WDR3: variants seen among roughly 807,000 people sequenced by gnomAD.
The protein encoded by WDR3 is WD repeat-containing protein 3.
In WDR3, 81 loss-of-function variants were observed where a neutral mutation model predicts 123.7. The ratio of observed to expected loss-of-function variants is 0.65; its 90% CI spans 0.55 to 0.79. WDR3 has a LOEUF of 0.79. Among genes scored for constraint, WDR3 ranks in the 30% least tolerant of loss-of-function variants. The probability of loss-of-function intolerance (pLI) is 0.00; values close to 1 mark genes in which losing one functional copy is unlikely to be tolerated. For missense variants in WDR3, 1,027 were observed against 1,123.2 expected, an observed-to-expected ratio of 0.91 and a Z score of 1.22; for synonymous variants, 390 against 388.8, an observed-to-expected ratio of 1.00 and a Z score of -0.04.
Position 117,936,862 on chromosome 1 carries a change from C to A in WDR3, c.475C>A (p.Arg159=), listed in dbSNP as rs370011105. 6.2e-7 allele frequency: 1 copy of A among 1,612,870 alleles called. No individual in the cohort carries two copies. Among genetic ancestry groups the A allele is most frequent in the Admixed American group, 1.7e-5 (1 of 59,898 alleles). The change falls in exon 4 of 27, where the codon CGA becomes AGA. Residue 159 remains arginine (R), a synonymous_variant. Coordinates refer to ENST00000349139, the MANE Select transcript of WDR3 (RefSeq NM_006784.3). ...KDAITQALFL[R]EKNLLVTSGK... is the part of the protein sequence containing the mutation. ...TGCCATCACACAAGCATTGTTTCTA[C>A]GAGAAAAGAACCTGCTAGTTACTAG...
intron 4 of WDR3, among the ~76,000 whole-genome samples, chr1:117,938,199 T>C (rs570378421): frequency 3.9e-5 from 6 of 152,278 alleles, no homozygotes; most frequent in South Asian, 2.1e-4. Context: ...ATGGAAATGA[T>C]AGGAGGAAGG....
chr1:117,931,173 C>G (rs915446831), intron 1 of WDR3, among the ~76,000 whole-genome samples: 13 of 152,174 alleles, frequency 8.5e-5, no homozygotes, highest in African/African-American at 3.1e-4. Context: ...GACTCCTAGG[C>G]CTTGGCCTCC....
At chr1:117,944,445 CTGTA>C (rs910899847) in intron 11 of WDR3, among the ~76,000 whole-genome samples, 30 of 152,168 alleles carry the variant, frequency 2.0e-4, no homozygotes, top group Admixed American at 5.9e-4. Flanking sequence ...GTAGCTTTCT[CTGTA>C]TGATGACACA....
chr1:117,950,284 G>A (rs1651564523), intron 15 of WDR3, among the ~76,000 whole-genome samples, 154 bp downstream of exon 15: 1 of 152,146 alleles, frequency 6.6e-6, no homozygotes, highest in Admixed American at 6.6e-5. Context: ...CTATGCTAGG[G>A]AAGCTAGCAT....
chr1:117,946,020 C>T, intron 11 of WDR3, 66 bp from the exon 12 acceptor site: 1 of 1,283,862 alleles, frequency 7.8e-7, no homozygotes, highest in Non-Finnish European at 1.1e-6. Context: ...GAAACCTACA[C>T]ACTGACCTCT....
intron 9 of WDR3, 52 bp downstream of exon 9, chr1:117,941,899 A>G (rs1156264455): frequency 1.3e-6 from 2 of 1,509,588 alleles, no homozygotes; most frequent in Admixed American, 2.8e-5. Context: ...GGTAGGCCCC[A>G]TGTTACTGAA....
intron 8 of WDR3, 34 bp downstream of exon 8, chr1:117,941,259 C>G: frequency 6.3e-7 from 1 of 1,587,590 alleles, no homozygotes; most frequent in Non-Finnish European, 8.6e-7. Context: ...ATAACAAGGA[C>G]TAGGCTGTTC....
At chr1:117,946,565 A>G (rs1177556662) in intron 12 of WDR3, among the ~76,000 whole-genome samples, 1 of 152,216 alleles carries the variant, frequency 6.6e-6, no homozygotes, top group Non-Finnish European at 1.5e-5. Flanking sequence ...TCAAGTCCTT[A>G]TTCCTAGGTG....
intron 25 of WDR3, among the ~76,000 whole-genome samples, chr1:117,957,949 T>C (rs1023214604): frequency 6.6e-6 from 1 of 152,202 alleles, no homozygotes; most frequent in Non-Finnish European, 1.5e-5. Context: ...AAAGCAAATA[T>C]GTTCATTAGG....
Position 117,952,845 on chromosome 1 carries a change from G to T in WDR3, c.2152-101G>T, listed in dbSNP as rs892116547. 31 of 1,457,052 alleles carry T rather than the reference G, an allele frequency of 2.1e-5. No individual in the cohort carries two copies. The East Asian group carries it at 7.2e-4, about 34-fold the overall frequency. 90.3% of individuals were successfully genotyped at this position (1,457,052 alleles called of 1,614,324 possible). A position where few individuals can be genotyped will look rare whatever the true frequency, so the allele number is the denominator to read the frequency against. ...AGGCAGAGATAAAGATGCCATTAGG[G>T]TATTATGTTGTCAAAGGAGCAGCTT... On this transcript the variant is annotated intron_variant, in intron 19 of 26. Transcript: ENST00000349139.
In WDR3 at chr1:117,941,060, T is replaced by C; in HGVS notation, c.790-64T>C. On this transcript the variant is annotated intron_variant, in intron 7 of 26. Coordinates refer to ENST00000349139, the MANE Select transcript of WDR3 (RefSeq NM_006784.3). ...TTGTCACTTGCACTTATTAGAATTA[T>C]GTTTTTTTCAGAAGTTCAGCAGAAC... is the stretch of plus-strand genomic sequence containing the variant. The C allele has an allele frequency of 4.4e-6, 7 of 1,596,132 alleles. No individual in the cohort carries two copies. The South Asian group carries it at 4.5e-5, about 10-fold the overall frequency.
In WDR3 at chr1:117,948,308, CA is replaced by C. The variant is rs931696161; in HGVS notation, c.1423-96del. On this transcript the variant is annotated intron_variant, in intron 12 of 26. Transcript: ENST00000349139. ...TCCTAAGCAATGGATCACATTTTTG[CA>C]GCTTGGTTATGAAGTCTTTTCTAAA... 8 of 965,032 alleles carry C rather than the reference CA, an allele frequency of 8.3e-6. No homozygotes were observed. The East Asian group carries it at 2.1e-4, about 25-fold the overall frequency. 59.8% of individuals were successfully genotyped at this position (965,032 alleles called of 1,614,324 possible).
rs893637960 is a variant in WDR3, at chr1:117,944,583, C to G, written c.1328+957C>G. On this transcript the variant is annotated intron_variant, in intron 11 of 26. Coordinates refer to ENST00000349139, the MANE Select transcript of WDR3 (RefSeq NM_006784.3). ...TTTTATGTGTCCCAAACCAAACTTA[C>G]GTTGTTCATGTCTCCAAAAATCTTC... is the stretch of plus-strand genomic sequence containing the variant. Among the ~76,000 whole-genome samples, 9 of 152,324 alleles carry G rather than the reference C, an allele frequency of 5.9e-5. No homozygotes were observed. The South Asian group carries it at 1.9e-3, about 32-fold the overall frequency.
At position 117,941,186 on chromosome 1, in the gene WDR3, C is replaced by T. The variant is rs760066631; in HGVS notation, c.852C>T (p.Asn284=). 1 of 1,614,120 alleles carries T rather than the reference C, an allele frequency of 6.2e-7. No homozygotes were observed. The highest frequency in any genetic ancestry group is 8.5e-7 in the Non-Finnish European group (1 of 1,180,010). Residue 284 remains asparagine (N), a synonymous_variant, in exon 8 of 27, where the codon AAC becomes AAT. Transcript: ENST00000349139. The stretch of plus-strand genomic sequence containing the variant: ...GGGAAGGAAGAGACAGAGTTGTAAA[C>T]CTTGCAGTCGACAAGACAGGCAGGA... ...IMREGRDRVV[N]LAVDKTGRIL...
Position 117,960,213 on chromosome 1 carries a change from A to G in WDR3, c.*766A>G, listed in dbSNP as rs1009788713. 6.6e-5 allele frequency: 10 copies of G among 151,624 alleles called. No individual in the cohort carries two copies. Among genetic ancestry groups the G allele is most frequent in the African/African-American group, 1.9e-4 (8 of 41,216 alleles). The allele number at this position is 151,624 out of a possible 1,614,324, so 9.4% of individuals were successfully genotyped here. A position where few individuals can be genotyped will look rare whatever the true frequency, so the allele number is the denominator to read the frequency against. ...CTTGAAAAATGCAGGTGGTAGGGGCACTGACCCACCCCTACGCCCCGCACA... is the reference window on the plus strand; with the variant it reads ...CTTGAAAAATGCAGGTGGTAGGGGCGCTGACCCACCCCTACGCCCCGCACA... On this transcript the variant is annotated 3_prime_UTR_variant, in exon 27 of 27. Transcript: ENST00000349139.
At chr1:117,939,187 G>C (rs1651053176) in intron 5 of WDR3, among the ~76,000 whole-genome samples, 1 of 152,220 alleles carries the variant, frequency 6.6e-6, no homozygotes, top group Non-Finnish European at 1.5e-5. Context: ...CATCATTTGA[G>C]TGGATTCTAG....
intron 14 of WDR3, 37 bp from the exon 15 acceptor site, chr1:117,949,958 C>T: frequency 6.2e-7 from 1 of 1,612,794 alleles, no homozygotes; most frequent in Non-Finnish European, 8.5e-7. Context: ...AATTTGTATA[C>T]TCATTTATTT....
At position 117,959,578 on chromosome 1, in the gene WDR3, G is replaced by A; in HGVS notation, c.*131G>A. 1 of 1,022,518 alleles carries A rather than the reference G, an allele frequency of 9.8e-7. No homozygotes were observed. Among genetic ancestry groups the A allele is most frequent in the South Asian group, 2.3e-5 (1 of 44,110 alleles). 63.3% of individuals were successfully genotyped at this position (1,022,518 alleles called of 1,614,324 possible). A position where few individuals can be genotyped will look rare whatever the true frequency, so the allele number is the denominator to read the frequency against. On this transcript the variant is annotated 3_prime_UTR_variant, in exon 27 of 27. Coordinates refer to ENST00000349139, the MANE Select transcript of WDR3 (RefSeq NM_006784.3). ...ATCGCATTGCAGATGATATCAGGATGTGGTTTCCAGCTTTGCCTGAGGGAA... is the reference window on the plus strand; with the variant it reads ...ATCGCATTGCAGATGATATCAGGATATGGTTTCCAGCTTTGCCTGAGGGAA...
At position 117,929,887 on chromosome 1, in the gene WDR3, C is replaced by G. The variant is rs1278283116; in HGVS notation, c.-33+105C>G. The G allele has an allele frequency of 2.6e-5, 4 of 152,472 alleles. No homozygotes were observed. The East Asian group carries it at 5.8e-4, about 22-fold the overall frequency. 9.4% of individuals were successfully genotyped at this position (152,472 alleles called of 1,614,324 possible). A position where few individuals can be genotyped will look rare whatever the true frequency, so the allele number is the denominator to read the frequency against. On this transcript the variant is annotated intron_variant, in intron 1 of 26. Transcript: ENST00000349139. ...TGATGTCAGCAGCAGCCGAGACGGGCGTGTTAAAGGCCGGTTGCTAGGGCT... is the reference window on the plus strand; with the variant it reads ...TGATGTCAGCAGCAGCCGAGACGGGGGTGTTAAAGGCCGGTTGCTAGGGCT...
Sources: allele counts gnomAD v4.1 joint callset (sites outside exome capture counted in the v4.1 genomes callset), GRCh38; gene constraint gnomAD v4.1.1; transcripts MANE v1.5; gene names NCBI Gene and HGNC (gene_info 2026-07-23, HGNC 2026-07-21).